The following UBXN2B variants were observed in gnomAD, a reference collection of about 807,000 sequenced individuals.
The protein encoded by UBXN2B is UBX domain protein 2B, also known as UBX domain-containing protein 2B.
UBXN2B carries 19 observed loss-of-function variants against 37.5 expected under a neutral mutation model. The ratio of observed to expected loss-of-function variants is 0.51; its 90% CI spans 0.35 to 0.74. The LOEUF (loss-of-function observed/expected upper bound fraction) is 0.74. UBXN2B is among the 30% of genes least tolerant of loss of function. The probability of loss-of-function intolerance (pLI) is 0.01; values close to 1 mark genes in which losing one functional copy is unlikely to be tolerated. For synonymous variants in UBXN2B, 145 were observed against 143.8 expected (o/e 1.01, Z -0.06); for missense variants, 370 against 393.2 (o/e 0.94, Z 0.50).
At chr8:58,423,438 G>GTT (rs200283440) in intron 2 of UBXN2B, among the ~76,000 whole-genome samples, 4 of 147,816 alleles carry the variant, frequency 2.7e-5, no homozygotes, top group Non-Finnish European at 4.5e-5. Context: ...TTTTTTTGTT[G>GTT]TTGTTTTTTT....
At chr8:58,434,732 C>T in intron 5 of UBXN2B, 1 of 1,431,936 alleles carries the variant, frequency 7.0e-7, no homozygotes, top group East Asian at 2.5e-5. Flanking sequence ...GGACATTGGC[C>T]CATTTTAAAA....
rs1278950450 is a variant in UBXN2B at position 58,449,598 on chromosome 8, A to G, written c.*2047A>G. ...GATGGCATGACAGGCAGACAATAAT[A>G]GTTACACACGTTCCTGTTCAAAAAG... On this transcript the variant is annotated 3_prime_UTR_variant, in exon 8 of 8. Transcript: ENST00000399598. 6.6e-6 allele frequency: 1 copy of G among 152,238 alleles called. No individual in the cohort carries two copies. The highest frequency in any genetic ancestry group is 1.5e-5 in the Non-Finnish European group (1 of 68,060). 9.4% of individuals were successfully genotyped at this position (152,238 alleles called of 1,614,324 possible).
In UBXN2B at chr8:58,433,221, A is replaced by C; in HGVS notation, c.401A>C (p.Tyr134Ser). Reference protein sequence around the residue: ...SSFCKRSEYIYGENQLQDVQI... With the variant: ...SSFCKRSEYISGENQLQDVQI... Reference sequence around the variant, plus strand: ...TTTTGTAAGCGGTCTGAATATATCTATGGAGAAAATCAGCTGCAAGATGTA... The same window carrying C: ...TTTTGTAAGCGGTCTGAATATATCTCTGGAGAAAATCAGCTGCAAGATGTA... Residue 134 changes from tyrosine to serine, a missense_variant, in exon 4 of 8, where the codon TAT becomes TCT. Tyr to Ser is a moderately radical substitution (Grantham distance 144). Coordinates refer to ENST00000399598, the MANE Select transcript of UBXN2B (RefSeq NM_001077619.2). 1 of 1,610,972 alleles carries C rather than the reference A, an allele frequency of 6.2e-7. No homozygotes were observed. The highest frequency in any genetic ancestry group is 8.5e-7 in the Non-Finnish European group (1 of 1,178,422).
intron 3 of UBXN2B, among the ~76,000 whole-genome samples, chr8:58,431,042 A>T (rs555962733): frequency 6.6e-6 from 1 of 152,108 alleles, no homozygotes; most frequent in African/African-American, 2.4e-5. Flanking sequence ...CTCTCTGTCT[A>T]TGTCCTTTTA....
At chr8:58,414,510 A>T (rs1205425838) in intron 1 of UBXN2B, among the ~76,000 whole-genome samples, 1 of 152,200 alleles carries the variant, frequency 6.6e-6, no homozygotes, top group East Asian at 1.9e-4. Flanking sequence ...TACATACTTT[A>T]TCCTCTGCAT....
At chr8:58,415,657 A>AT (rs911637613) in intron 1 of UBXN2B, among the ~76,000 whole-genome samples, 43 of 152,056 alleles carry the variant, frequency 2.8e-4, no homozygotes, top group Non-Finnish European at 5.0e-4. Flanking sequence ...GACTACGGTG[A>AT]TTTTTTATAG....
At chr8:58,446,779 A>ATTTTTTTTT (rs869090698) in intron 7 of UBXN2B, among the ~76,000 whole-genome samples, 339 of 17,402 alleles carry the variant, frequency 0.019, 133 homozygotes, top group East Asian at 0.046. Context: ...TACAACCTGC[A>ATTTTTTTTT]TTTTTTTTTT....
At chr8:58,446,779 A>ATTTTTCTTTTTTTTTTT (rs1808682867) in intron 7 of UBXN2B, among the ~76,000 whole-genome samples, 1 of 17,386 alleles carries the variant, frequency 5.8e-5, no homozygotes, top group Non-Finnish European at 1.0e-4. Context: ...TACAACCTGC[A>ATTTTTCTTTTTTTTTTT]TTTTTTTTTT....
In UBXN2B at chr8:58,434,362, TA is replaced by T. The variant is rs763957129; in HGVS notation, c.424-32del. 6.1e-5 allele frequency: 36 copies of T among 585,780 alleles called. 1 individual carries two copies. The highest frequency in any genetic ancestry group is 4.5e-4 in the South Asian group (8 of 17,732). The allele number at this position is 585,780 out of a possible 1,614,324, so 36.3% of individuals were successfully genotyped here. On this transcript the variant is annotated intron_variant, in intron 4 of 7. Transcript: ENST00000399598. ...ATGTATATGTGAATATATATATATA[TA>T]TATATATTTTTTTTTTTTCTATACC...
At chr8:58,426,902 T>TC (rs1365608395) in intron 2 of UBXN2B, among the ~76,000 whole-genome samples, 2 of 152,202 alleles carry the variant, frequency 1.3e-5, no homozygotes, top group African/African-American at 2.4e-5. Context: ...ATTTTTTTTT[T>TC]CTCTGTCTTC....
chr8:58,421,089 CT>C (rs1486552341), intron 2 of UBXN2B, among the ~76,000 whole-genome samples: 1 of 152,198 alleles, frequency 6.6e-6, no homozygotes, highest in Non-Finnish European at 1.5e-5. Context: ...CCACATCCCC[CT>C]GAACTAAAAA....
At chr8:58,446,924 G>T (rs536475136) in intron 7 of UBXN2B, among the ~76,000 whole-genome samples, 5 of 150,396 alleles carry the variant, frequency 3.3e-5, no homozygotes, top group African/African-American at 1.2e-4. Context: ...AGCCTCTTGA[G>T]TAGCTGGGAT....
At chr8:58,444,448 C>G (rs889732698) in intron 6 of UBXN2B, among the ~76,000 whole-genome samples, 7 of 152,160 alleles carry the variant, frequency 4.6e-5, no homozygotes, top group African/African-American at 1.7e-4. Context: ...ACCAGGTAAT[C>G]CAGCTCTGAG....
chr8:58,414,037 G>A lies in UBXN2B; in HGVS notation c.84+2568G>A, dbSNP rs529564094. Among the ~76,000 whole-genome samples the A allele has an allele frequency of 3.9e-5, 6 of 152,286 alleles. No individual in the cohort carries two copies. The South Asian group carries it at 1.0e-3, about 26-fold the overall frequency. On this transcript the variant is annotated intron_variant, in intron 1 of 7. Transcript: ENST00000399598. ...ACATAGGTTGGACGGGGAGGGAGTG[G>A]GAACAGGGATAACTTCAGTATTGTT...
chr8:58,416,868 T>TATGAAG lies in UBXN2B; in HGVS notation c.110_115dup (p.Asp37_Glu38dup), dbSNP rs748438691. The TATGAAG allele has an allele frequency of 1.2e-6, 2 of 1,612,334 alleles. No individual in the cohort carries two copies. The highest frequency in any genetic ancestry group is 2.7e-5 in the African/African-American group (2 of 74,900). ...TATGTAGTTGGCCTTGGCAGAATTG[T>TATGAAG]ATGAAGATGAAGTGAAGTGCAAATC... On this transcript the variant is annotated inframe_insertion, in exon 2 of 8. Transcript: ENST00000399598.
At chr8:58,441,365 A>ATATATATATG (rs1563467250) in intron 6 of UBXN2B, among the ~76,000 whole-genome samples, 1 of 145,594 alleles carries the variant, frequency 6.9e-6, no homozygotes, top group South Asian at 2.2e-4. Context: ...ATATATATAT[A>ATATATATATG]TATGTATGTG....
intron 3 of UBXN2B, 86 bp downstream of exon 3, chr8:58,430,755 C>G (rs1808251202): frequency 9.6e-7 from 1 of 1,044,440 alleles, no homozygotes; most frequent in Non-Finnish European, 1.3e-6. Context: ...CATTGTTTTT[C>G]TAATTGTATA....
At chr8:58,440,998 T>A in intron 6 of UBXN2B, among the ~76,000 whole-genome samples, 1 of 136,308 alleles carries the variant, frequency 7.3e-6, no homozygotes, top group Admixed American at 7.4e-5. Context: ...TTTCTTTCTC[T>A]TTTTTTTTTT....
intron 1 of UBXN2B, among the ~76,000 whole-genome samples, chr8:58,412,376 G>GT (rs1807661162): frequency 6.6e-6 from 1 of 152,212 alleles, no homozygotes; most frequent in Non-Finnish European, 1.5e-5. Context: ...GTATGTAAGT[G>GT]TAAAAGACAG....
Sources: gnomAD v4.1 joint callset for allele counts (sites outside exome capture counted in the v4.1 genomes callset) on GRCh38, gnomAD v4.1.1 for gene constraint, MANE v1.5 for transcripts, NCBI Gene and HGNC (gene_info 2026-07-23, HGNC 2026-07-21) for gene names.